NRG1: variants seen among roughly 807,000 people sequenced by gnomAD.
NRG1 encodes the protein neuregulin 1.
NRG1 carries 18 observed loss-of-function variants against 63.8 expected under a neutral mutation model. The ratio of observed to expected loss-of-function variants is 0.28; its 90% CI spans 0.19 to 0.42. The LOEUF (loss-of-function observed/expected upper bound fraction) is 0.42. NRG1 is among the 10% of genes least tolerant of loss of function. The probability of loss-of-function intolerance (pLI) is 1.00; values close to 1 mark genes in which losing one functional copy is unlikely to be tolerated. For missense variants in NRG1, 762 were observed against 814.7 expected (o/e 0.94, Z 0.79); for synonymous variants, 302 against 301.3 (o/e 1.00, Z -0.02).
At chr8:31,869,833 T>C (rs766096516) in intron 1 of NRG1, among the ~76,000 whole-genome samples, 1 of 152,184 alleles carries the variant, frequency 6.6e-6, no homozygotes, top group African/African-American at 2.4e-5. Flanking sequence ...CAGTATGCAT[T>C]GAACATGCGC....
intron 1 of NRG1, among the ~76,000 whole-genome samples, chr8:32,177,157 G>C: frequency 6.6e-6 from 1 of 152,026 alleles, no homozygotes; most frequent in East Asian, 1.9e-4. Context: ...CATAAAAAAT[G>C]ATGAGTTCAT....
intron 1 of NRG1, among the ~76,000 whole-genome samples, chr8:31,876,526 G>A (rs1246523222): frequency 1.3e-5 from 2 of 152,156 alleles, no homozygotes; most frequent in Non-Finnish European, 2.9e-5. Context: ...CTGGTTGAGA[G>A]AGTGAATAAA....
rs67438409 is a variant in NRG1 at position 32,087,482 on chromosome 8, C to CTTTTTTTTTTTTTTTT, written c.37+448053_37+448068dup. ...CCAGCCTCAGGTATTTCTTTTCTTT[C>CTTTTTTTTTTTTTTTT]TTTTTTTTTTTTTTTTTGAGATGGA... On this transcript the variant is annotated intron_variant, in intron 1 of 10. Coordinates refer to the NRG1 transcript ENST00000519301. 6.2e-3 allele frequency among the ~76,000 whole-genome samples: 561 copies of CTTTTTTTTTTTTTTTT among 90,200 alleles called. 16 individuals are homozygous for CTTTTTTTTTTTTTTTT. Among genetic ancestry groups the CTTTTTTTTTTTTTTTT allele is most frequent in the Non-Finnish European group, 8.8e-3 (426 of 48,164 alleles). The allele number at this position is 90,200 out of a possible 152,430, so 59.2% of individuals were successfully genotyped here.
At chr8:32,625,875 C>G (rs1022896985) in intron 5 of NRG1, among the ~76,000 whole-genome samples, 2 of 149,360 alleles carry the variant, frequency 1.3e-5, no homozygotes, top group Non-Finnish European at 3.0e-5. Context: ...CTCACTGCAA[C>G]CTCGGCCTCC....
chr8:32,041,685 G>A (rs991702262), intron 1 of NRG1, among the ~76,000 whole-genome samples: 1 of 152,148 alleles, frequency 6.6e-6, no homozygotes, highest in Non-Finnish European at 1.5e-5. Flanking sequence ...TTTTCTTTCT[G>A]TGTATTCCTT....
intron 1 of NRG1, among the ~76,000 whole-genome samples, chr8:32,264,283 T>G (rs1212324768): frequency 6.6e-6 from 1 of 152,098 alleles, no homozygotes; most frequent in African/African-American, 2.4e-5. Flanking sequence ...TTTAAAGTAG[T>G]CACATAAATA....
At chr8:32,754,230 T>C in intron 7 of NRG1, 142 bp from the exon 8 acceptor site, 1 of 708,116 alleles carries the variant, frequency 1.4e-6, no homozygotes, top group Non-Finnish European at 2.5e-6. Context: ...ACCTTAGCTA[T>C]GTGTGTAAAC....
chr8:32,241,148 G>A (rs1405874804), intron 1 of NRG1, among the ~76,000 whole-genome samples: 2 of 152,104 alleles, frequency 1.3e-5, no homozygotes, highest in African/African-American at 4.8e-5. Flanking sequence ...GTCTGGGGGT[G>A]GTGGGTGTGG....
At chr8:32,706,053 T>G (rs1427180004) in intron 5 of NRG1, among the ~76,000 whole-genome samples, 1 of 152,186 alleles carries the variant, frequency 6.6e-6, no homozygotes, top group Admixed American at 6.5e-5. Flanking sequence ...AGGAATTTGC[T>G]TATGGAAAGA....
At chr8:31,817,448 T>A (rs1283857180) in intron 1 of NRG1, among the ~76,000 whole-genome samples, 4 of 152,238 alleles carry the variant, frequency 2.6e-5, no homozygotes, top group Non-Finnish European at 5.9e-5. Flanking sequence ...AACCCATTTG[T>A]GGGGTCACTA....
rs547003540 is a variant in NRG1, at chr8:32,753,213, T to C, written c.692-1159T>C. On this transcript the variant is annotated intron_variant, in intron 7 of 11. Transcript: ENST00000356819. ...TGCTTATTTCATACCAGTTGAGTTCTCTTTCTGAGTGAACTTGTGAAGATC... is the reference window on the plus strand; with the variant it reads ...TGCTTATTTCATACCAGTTGAGTTCCCTTTCTGAGTGAACTTGTGAAGATC... Among the ~76,000 whole-genome samples, 7 of 152,322 alleles carry C rather than the reference T, an allele frequency of 4.6e-5. No individual in the cohort carries two copies. The East Asian group carries it at 1.2e-3, about 25-fold the overall frequency.
At chr8:32,067,995 T>G (rs7010141) in intron 1 of NRG1, among the ~76,000 whole-genome samples, 8,445 of 152,220 alleles carry the variant, frequency 0.055, 781 homozygotes, top group African/African-American at 0.19. Flanking sequence ...AACCTAACCT[T>G]CAAGATGAGT....
At chr8:32,526,277 T>C (rs890573111) in intron 1 of NRG1, among the ~76,000 whole-genome samples, 5 of 152,156 alleles carry the variant, frequency 3.3e-5, no homozygotes, top group African/African-American at 1.2e-4. Flanking sequence ...GAACTGACAG[T>C]CTTGTTCTTT....
chr8:31,704,521 TG>T (rs1810931534), intron 1 of NRG1, among the ~76,000 whole-genome samples: 1 of 152,076 alleles, frequency 6.6e-6, no homozygotes, highest in Non-Finnish European at 1.5e-5. Context: ...TGACATTTTT[TG>T]GGGGGTTAGA....
chr8:32,706,580 T>C (rs1816490215), intron 5 of NRG1, among the ~76,000 whole-genome samples: 2 of 152,024 alleles, frequency 1.3e-5, no homozygotes, highest in Admixed American at 1.3e-4. Context: ...TGTTTGTGTG[T>C]AATTTTACAA....
intron 8 of NRG1, among the ~76,000 whole-genome samples, 165 bp downstream of exon 8, chr8:32,754,639 C>T (rs1189970319): frequency 2.6e-5 from 4 of 151,962 alleles, no homozygotes; most frequent in Non-Finnish European, 4.4e-5. Context: ...GAGGATGTCT[C>T]CTAAACACAG....
chr8:31,870,053 T>G (rs2129611452), intron 1 of NRG1, among the ~76,000 whole-genome samples: 3 of 152,280 alleles, frequency 2.0e-5, no homozygotes, highest in Admixed American at 2.0e-4. Flanking sequence ...GGAAATCTGT[T>G]GTATGGAGCT....
At chr8:32,512,708 A>G (rs1310918141) in intron 1 of NRG1, among the ~76,000 whole-genome samples, 3 of 152,186 alleles carry the variant, frequency 2.0e-5, no homozygotes, top group African/African-American at 4.8e-5. Context: ...GGTGGTTTCA[A>G]TACTTCAGTC....
chr8:31,784,743 C>T (rs553475465), intron 1 of NRG1, among the ~76,000 whole-genome samples: 17 of 152,236 alleles, frequency 1.1e-4, no homozygotes, highest in African/African-American at 4.1e-4. Context: ...GCTGAGGAAC[C>T]AAATGCCTCA....
Sources: gnomAD v4.1 joint callset for allele counts (sites outside exome capture counted in the v4.1 genomes callset) on GRCh38, gnomAD v4.1.1 for gene constraint, MANE v1.5 for transcripts, NCBI Gene and HGNC (gene_info 2026-07-23, HGNC 2026-07-21) for gene names.